The following GOT2 variants were observed in gnomAD, a reference collection of about 807,000 sequenced individuals.
The protein encoded by GOT2 is aspartate aminotransferase, mitochondrial.
A neutral mutation model predicts 50.0 loss-of-function variants in GOT2; 17 were observed. The observed-to-expected ratio is 0.34, with a 90% CI of 0.23 to 0.51. The LOEUF (loss-of-function observed/expected upper bound fraction) is 0.51, where lower values mean the gene tolerates loss of function less well. Among genes scored for constraint, GOT2 ranks in the 20% least tolerant of loss-of-function variants. The pLI is 0.97. For missense variants in GOT2, 430 were observed against 559.6 expected (o/e 0.77, Z 2.34); for synonymous variants, 172 against 204.9 (o/e 0.84, Z 1.37).
chr16:58,708,390 C>A, intron 9 of GOT2, 97 bp from the exon 10 acceptor site: 1 of 1,218,898 alleles, frequency 8.2e-7, no homozygotes. Flanking sequence ...GCTCTATTTC[C>A]TCGCTTAAAA....
rs780683515 is a variant in GOT2, at chr16:58,708,284, G to A, written c.1180C>T (p.Leu394=). ...TGLKPEQVER[L]IKEFSIYMTK... ...ATGTAGATGGAGAACTCCTTGATCAGCCGCTCCACCTGCAGAGAGGAAAGA... is the reference window on the plus strand; with the variant it reads ...ATGTAGATGGAGAACTCCTTGATCAACCGCTCCACCTGCAGAGAGGAAAGA... The change falls in exon 10 of 10, where the codon CTG becomes TTG. Residue 394 remains leucine (L), a synonymous_variant. Transcript: ENST00000245206. 51 of 1,613,750 alleles carry A rather than the reference G, an allele frequency of 3.2e-5. No homozygotes were observed. The Middle Eastern group carries it at 4.9e-4, about 16-fold the overall frequency.
In GOT2 at chr16:58,708,142, G is replaced by A. The variant is rs896495526; in HGVS notation, c.*29C>T. 3.7e-6 allele frequency: 6 copies of A among 1,609,520 alleles called. No individual in the cohort carries two copies. In the South Asian group the frequency reaches 6.6e-5, roughly 18 times the overall value. ...AATAGCAGAGGCTGAAGACAGAAAG[G>A]TTGTCTCTGTTTCCTCGCACCAGGG... On this transcript the variant is annotated 3_prime_UTR_variant, in exon 10 of 10. Transcript: ENST00000245206.
At chr16:58,727,706 T>C (rs2044798890) in intron 1 of GOT2, among the ~76,000 whole-genome samples, 1 of 152,194 alleles carries the variant, frequency 6.6e-6, no homozygotes, top group African/African-American at 2.4e-5. Flanking sequence ...AGGAAAGTAC[T>C]GCACAAGGTT....
chr16:58,725,358 G>A (rs1166823212), intron 1 of GOT2, among the ~76,000 whole-genome samples: 4 of 151,958 alleles, frequency 2.6e-5, no homozygotes, highest in Admixed American at 2.6e-4. Context: ...CATGTGATTT[G>A]CCCGCCTCAG....
At chr16:58,714,685 T>G (rs1344508793) in intron 8 of GOT2, among the ~76,000 whole-genome samples, 1 of 151,898 alleles carries the variant, frequency 6.6e-6, no homozygotes, top group Non-Finnish European at 1.5e-5. Flanking sequence ...CACTCTAGCC[T>G]GGGTGACACA....
chr16:58,712,786 T>C (rs2044659791), intron 8 of GOT2, among the ~76,000 whole-genome samples: 1 of 152,184 alleles, frequency 6.6e-6, no homozygotes, highest in Admixed American at 6.5e-5. Flanking sequence ...GTCCTGCACA[T>C]ACATATATAA....
chr16:58,726,840 CT>C (rs139694495), intron 1 of GOT2, among the ~76,000 whole-genome samples: 8,683 of 147,592 alleles, frequency 0.059, 546 homozygotes, highest in African/African-American at 0.16. Context: ...GCTGAGTTAA[CT>C]TTTTTTTTCT....
chr16:58,718,737 A>C, intron 4 of GOT2, 49 bp from the exon 5 acceptor site: 1 of 1,445,230 alleles, frequency 6.9e-7, no homozygotes, highest in Non-Finnish European at 9.4e-7. Context: ...AGGAGAGGCA[A>C]AAAAATGTTG....
intron 1 of GOT2, among the ~76,000 whole-genome samples, chr16:58,726,277 C>T (rs989718193): frequency 6.6e-6 from 1 of 152,008 alleles, no homozygotes; most frequent in Non-Finnish European, 1.5e-5. Context: ...CATCCGCCTC[C>T]CGGGTTCAAG....
intron 9 of GOT2, 142 bp downstream of exon 9, chr16:58,709,275 A>C (rs985039503): frequency 2.7e-6 from 2 of 735,790 alleles, no homozygotes; most frequent in African/African-American, 6.2e-5. Flanking sequence ...CAAAAACAAA[A>C]ACAAAAACAA....
intron 8 of GOT2, among the ~76,000 whole-genome samples, chr16:58,714,305 C>T (rs1361902262): frequency 2.0e-5 from 3 of 152,016 alleles, no homozygotes; most frequent in Non-Finnish European, 2.9e-5. Context: ...AATCCTAGCA[C>T]TTTGGGAGGC....
chr16:58,709,273 A>G, intron 9 of GOT2, 144 bp downstream of exon 9: 1 of 723,614 alleles, frequency 1.4e-6, no homozygotes, highest in Non-Finnish European at 2.0e-6. Context: ...AACAAAAACA[A>G]AAACAAAAAC....
chr16:58,722,666 G>A (rs890396221), intron 2 of GOT2, among the ~76,000 whole-genome samples: 10 of 152,006 alleles, frequency 6.6e-5, no homozygotes, highest in South Asian at 4.2e-4. Context: ...CACTGCGCCC[G>A]GCCAAACCTT....
chr16:58,717,939 G>A (rs1356172586), intron 6 of GOT2, among the ~76,000 whole-genome samples: 1 of 152,078 alleles, frequency 6.6e-6, no homozygotes, highest in Non-Finnish European at 1.5e-5. Context: ...CACCTGCCTC[G>A]ACCTCCCAAA....
intron 8 of GOT2, among the ~76,000 whole-genome samples, chr16:58,711,668 C>T (rs2044649615): frequency 6.6e-6 from 1 of 152,214 alleles, no homozygotes. Flanking sequence ...AACGATAGCA[C>T]TGTATTAGCA....
chr16:58,728,247 G>A (rs1201144097), intron 1 of GOT2, among the ~76,000 whole-genome samples: 1 of 152,046 alleles, frequency 6.6e-6, no homozygotes, highest in African/African-American at 2.4e-5. Context: ...TTTCAGTACT[G>A]GGCAAACTGT....
At chr16:58,709,680 G>GGTCACGAATGAGTGACACGCT in intron 8 of GOT2, 113 bp from the exon 9 acceptor site, 1 of 756,698 alleles carries the variant, frequency 1.3e-6, no homozygotes, top group Non-Finnish European at 2.1e-6. Context: ...TCAATTCTCA[G>GGTCACGAATGAGTGACACGCT]GTCACGAATG....
At chr16:58,725,090 C>T (rs1251356248) in intron 1 of GOT2, among the ~76,000 whole-genome samples, 1 of 148,482 alleles carries the variant, frequency 6.7e-6, no homozygotes, top group Non-Finnish European at 1.5e-5. Context: ...TGTAATATGC[C>T]AGCTTGACAA....
At position 58,716,470 on chromosome 16, in the gene GOT2, G is replaced by C. The variant is rs567754790; in HGVS notation, c.853+193C>G. On this transcript the variant is annotated intron_variant, in intron 7 of 9. Coordinates refer to ENST00000245206, the MANE Select transcript of GOT2 (RefSeq NM_002080.4). ...GTTTCCTTTGCTGGAAAAACTTAAGGACACCGAAGAATATATGGCTAAGAA... is the reference window on the plus strand; with the variant it reads ...GTTTCCTTTGCTGGAAAAACTTAAGCACACCGAAGAATATATGGCTAAGAA... 5.0e-5 allele frequency: 31 copies of C among 623,106 alleles called. 1 individual carries two copies. The South Asian group carries it at 6.2e-4, about 12-fold the overall frequency. The allele number at this position is 623,106 out of a possible 1,614,324, so 38.6% of individuals were successfully genotyped here. A position where few individuals can be genotyped will look rare whatever the true frequency, so the allele number is the denominator to read the frequency against.
Sources: gnomAD v4.1 joint callset for allele counts (sites outside exome capture counted in the v4.1 genomes callset) on GRCh38, gnomAD v4.1.1 for gene constraint, MANE v1.5 for transcripts, NCBI Gene and HGNC (gene_info 2026-07-23, HGNC 2026-07-21) for gene names.